Variants in DGKB observed in about 807,000 individuals in gnomAD.
DGKB encodes the protein diacylglycerol kinase beta.
DGKB carries 67 observed loss-of-function variants against 114.3 expected under a neutral mutation model. The ratio of observed to expected loss-of-function variants is 0.59; its 90% CI spans 0.48 to 0.72. The LOEUF (loss-of-function observed/expected upper bound fraction) is 0.72, where lower values mean the gene tolerates loss of function less well. Among genes scored for constraint, DGKB ranks in the 30% least tolerant of loss-of-function variants. DGKB has a pLI of 0.00. For synonymous variants in DGKB, 398 were observed against 323.1 expected (o/e 1.23, Z -2.49); for missense variants, 907 against 975.2 (o/e 0.93, Z 0.93).
intron 12 of DGKB, among the ~76,000 whole-genome samples, chr7:14,679,509 G>A (rs554947439): frequency 1.3e-5 from 2 of 152,124 alleles, no homozygotes; most frequent in East Asian, 3.9e-4. Flanking sequence ...ATATATAAAA[G>A]GAAGTAATGG....
intron 23 of DGKB, among the ~76,000 whole-genome samples, chr7:14,216,850 G>C (rs1263036904): frequency 6.6e-6 from 1 of 151,950 alleles, no homozygotes; most frequent in African/African-American, 2.4e-5. Context: ...TCTTTTAAAG[G>C]ACTTACACCA....
At chr7:14,315,111 C>T (rs1468582721) in intron 23 of DGKB, among the ~76,000 whole-genome samples, 3 of 146,908 alleles carry the variant, frequency 2.0e-5, no homozygotes, top group African/African-American at 7.4e-5. Flanking sequence ...CAGGCCTGCC[C>T]TAAAAGAGCT....
intron 5 of DGKB, among the ~76,000 whole-genome samples, chr7:14,719,915 A>C (rs1304608453): frequency 1.3e-5 from 2 of 152,114 alleles, no homozygotes; most frequent in African/African-American, 4.8e-5. Flanking sequence ...GGTAGAGTGC[A>C]TTTTCCCCAC....
intron 20 of DGKB, among the ~76,000 whole-genome samples, chr7:14,567,831 T>C (rs1797817708): frequency 1.3e-5 from 2 of 151,938 alleles, no homozygotes; most frequent in East Asian, 1.9e-4. Flanking sequence ...GGCCTTGAAC[T>C]CCTGACTTCA....
intron 23 of DGKB, among the ~76,000 whole-genome samples, chr7:14,289,389 C>G (rs970003662): frequency 1.3e-5 from 2 of 152,080 alleles, no homozygotes; most frequent in Non-Finnish European, 2.9e-5. Context: ...AGACATTTCA[C>G]AAATATAATA....
At chr7:14,829,127 C>A (rs1382876781) in intron 2 of DGKB, among the ~76,000 whole-genome samples, 2 of 152,074 alleles carry the variant, frequency 1.3e-5, no homozygotes, top group Non-Finnish European at 2.9e-5. Context: ...AATTTCCAAT[C>A]TTTACCTTCA....
chr7:14,819,795 T>C (rs186492295), intron 2 of DGKB, among the ~76,000 whole-genome samples: 5 of 152,200 alleles, frequency 3.3e-5, no homozygotes, highest in Middle Eastern at 6.8e-3. Flanking sequence ...ATCTATACCA[T>C]ATATCTTTAA....
In DGKB at chr7:14,250,531, A is replaced by G. The variant is rs542677385; in HGVS notation, c.2123-72380T>C. Among the ~76,000 whole-genome samples, 23 of 152,192 alleles carry G rather than the reference A, an allele frequency of 1.5e-4. 1 individual carries two copies. In the South Asian group the frequency reaches 4.1e-3, roughly 27 times the overall value. On this transcript the variant is annotated intron_variant, in intron 23 of 25. Transcript: ENST00000402815. Reference sequence around the variant, plus strand: ...AGAAAATATATCTAATATTATGTCAATCTTCTTAAATGTGTTAAAATGTGT... The same window carrying G: ...AGAAAATATATCTAATATTATGTCAGTCTTCTTAAATGTGTTAAAATGTGT...
intron 21 of DGKB, among the ~76,000 whole-genome samples, chr7:14,408,435 AG>A (rs768454414): frequency 1.3e-5 from 2 of 152,116 alleles, no homozygotes; most frequent in Non-Finnish European, 2.9e-5. Context: ...TGTAAGACAA[AG>A]CAATCATTTT....
chr7:14,923,828 C>G (rs1312731235), intron 1 of DGKB, among the ~76,000 whole-genome samples: 1 of 151,802 alleles, frequency 6.6e-6, no homozygotes, highest in Non-Finnish European at 1.5e-5. Context: ...AACCCTGTTT[C>G]TACTAAAAAT....
Position 14,472,344 on chromosome 7 carries a change from G to T in DGKB, c.1835+5817C>A, listed in dbSNP as rs181541695. ...TAGTTCTGTAAGGAGGAGTTTCCCT[G>T]CACAAGCTAGCTCTCTCATTGCCTG... On this transcript the variant is annotated intron_variant, in intron 21 of 25. Coordinates refer to ENST00000402815, the MANE Select transcript of DGKB (RefSeq NM_001350709.2). Among the ~76,000 whole-genome samples, 662 of 152,226 alleles carry T rather than the reference G, an allele frequency of 4.3e-3. 4 individuals carry two copies. The highest frequency in any genetic ancestry group is 4.1e-3 in the Non-Finnish European group (279 of 68,016).
chr7:14,343,373 C>G (rs148387938), intron 22 of DGKB, among the ~76,000 whole-genome samples: 1 of 151,912 alleles, frequency 6.6e-6, no homozygotes, highest in East Asian at 1.9e-4. Flanking sequence ...GCCCAGATTT[C>G]TTGGAGAACA....
intron 20 of DGKB, among the ~76,000 whole-genome samples, chr7:14,571,230 G>T (rs1274238725): frequency 6.6e-6 from 1 of 152,202 alleles, no homozygotes; most frequent in Non-Finnish European, 1.5e-5. Context: ...TTCAGATTTG[G>T]GTTGCTTCAT....
intron 1 of DGKB, among the ~76,000 whole-genome samples, chr7:14,940,944 GTCTC>G (rs764650304): frequency 2.0e-5 from 3 of 151,998 alleles, no homozygotes; most frequent in Non-Finnish European, 4.4e-5. Context: ...TTATTAGACT[GTCTC>G]TCTCAAATAG....
At chr7:14,258,758 A>G (rs931599339) in intron 23 of DGKB, among the ~76,000 whole-genome samples, 1 of 152,160 alleles carries the variant, frequency 6.6e-6, no homozygotes, top group Non-Finnish European at 1.5e-5. Context: ...CAGTTGATTT[A>G]ATTTGTCTAT....
At chr7:14,682,921 G>C in intron 10 of DGKB, 80 bp from the exon 11 acceptor site, 1 of 968,572 alleles carries the variant, frequency 1.0e-6, no homozygotes, top group Admixed American at 2.0e-5. Context: ...GACATTAACA[G>C]AACCTCATTT....
chr7:14,924,657 A>AT (rs936782494), intron 1 of DGKB, among the ~76,000 whole-genome samples: 104 of 151,542 alleles, frequency 6.9e-4, no homozygotes, highest in African/African-American at 1.5e-3. Context: ...AAGGTTTCCA[A>AT]TTTTTTTTTA....
intron 20 of DGKB, among the ~76,000 whole-genome samples, chr7:14,500,417 T>C (rs1785973079): frequency 6.6e-6 from 1 of 151,718 alleles, no homozygotes. Context: ...TATTCTATGT[T>C]TAGTACTGGA....
At chr7:14,881,441 T>G (rs560857567) in intron 1 of DGKB, among the ~76,000 whole-genome samples, 140 of 152,296 alleles carry the variant, frequency 9.2e-4, no homozygotes, top group African/African-American at 3.2e-3. Context: ...TGATTTTTAT[T>G]AAGATAACTT....
Sources: gnomAD v4.1 joint callset for allele counts (sites outside exome capture counted in the v4.1 genomes callset) on GRCh38, gnomAD v4.1.1 for gene constraint, MANE v1.5 for transcripts, NCBI Gene and HGNC (gene_info 2026-07-23, HGNC 2026-07-21) for gene names.